PGAM5: variants seen among roughly 807,000 people sequenced by gnomAD.
PGAM5 encodes the protein serine/threonine-protein phosphatase PGAM5, mitochondrial.
PGAM5 carries 25 observed loss-of-function variants against 30.6 expected under a neutral mutation model. That is an observed-to-expected ratio of 0.82 (90% CI 0.60 to 1.14). The LOEUF is 1.14. Ranked by LOEUF, PGAM5 falls within the 50% of genes most tolerant of loss-of-function variation. The pLI is 0.00. For missense variants in PGAM5, 384 were observed against 408.5 expected, an observed-to-expected ratio of 0.94 and a Z score of 0.52; for synonymous variants, 201 against 179.1, an observed-to-expected ratio of 1.12 and a Z score of -0.98.
chr12:132,719,832 A>G (rs2043625193), intron 5 of PGAM5, among the ~76,000 whole-genome samples: 3 of 152,220 alleles, frequency 2.0e-5, no homozygotes, highest in Non-Finnish European at 4.4e-5. Flanking sequence ...CGATGAAGGC[A>G]ACTCCGAGCT....
chr12:132,713,935 C>A (rs982309128), intron 1 of PGAM5, among the ~76,000 whole-genome samples: 12 of 152,100 alleles, frequency 7.9e-5, no homozygotes, highest in African/African-American at 2.9e-4. Flanking sequence ...TCCCAAAGTG[C>A]TGGGATCCAC....
At chr12:132,719,046 G>T in intron 5 of PGAM5, 1 of 1,426,044 alleles carries the variant, frequency 7.0e-7, no homozygotes, top group Non-Finnish European at 9.1e-7. Context: ...ACTTCTTTAA[G>T]GAGCTCCAGG....
chr12:132,713,712 C>A (rs1354036873), intron 1 of PGAM5, among the ~76,000 whole-genome samples: 1 of 152,160 alleles, frequency 6.6e-6, no homozygotes, highest in Non-Finnish European at 1.5e-5. Flanking sequence ...GCTCTGTTGC[C>A]CAGGCTGGAG....
At chr12:132,714,682 T>C (rs1027090878) in intron 1 of PGAM5, 176 bp from the exon 2 acceptor site, 2 of 649,380 alleles carry the variant, frequency 3.1e-6, no homozygotes, top group Non-Finnish European at 5.2e-6. Flanking sequence ...GCACTAGCTT[T>C]GTGGGAGGGA....
At chr12:132,712,100 T>C (rs1231551121) in intron 1 of PGAM5, among the ~76,000 whole-genome samples, 3 of 152,182 alleles carry the variant, frequency 2.0e-5, no homozygotes, top group Admixed American at 2.0e-4. Flanking sequence ...CCTTATTTCC[T>C]CTATTATTAG....
chr12:132,718,053 A>G lies in PGAM5; in HGVS notation c.652A>G (p.Arg218Gly). The change falls in exon 5 of 6, where the codon AGG becomes GGG. Residue 218 changes from arginine (R) to glycine (G), a missense_variant. By Grantham distance (125) the Arg-to-Gly change is moderately radical. Transcript: ENST00000498926. ...FRNYIHRADA[R>G]QEEDSYEIFI... ...GAACTACATCCACCGCGCAGATGCC[A>G]GGCAGGAGGAGGACAGTTACGAGAT... is the stretch of plus-strand genomic sequence containing the variant. The G allele has an allele frequency of 6.2e-7, 1 of 1,612,870 alleles. No homozygotes were observed. The highest frequency in any genetic ancestry group is 8.5e-7 in the Non-Finnish European group (1 of 1,179,988).
intron 2 of PGAM5, among the ~76,000 whole-genome samples, chr12:132,715,990 A>G (rs754328171): frequency 1.7e-4 from 26 of 152,192 alleles, no homozygotes; most frequent in African/African-American, 2.4e-4. Flanking sequence ...TGCCTTGGAA[A>G]GCGGCGTGGC....
rs1264797298 is a variant in PGAM5, at chr12:132,715,140, C to A, written c.370+104C>A. The A allele has an allele frequency of 4.1e-6, 5 of 1,232,428 alleles. No individual in the cohort carries two copies. The East Asian group carries it at 1.0e-4, about 25-fold the overall frequency. 76.3% of individuals were successfully genotyped at this position (1,232,428 alleles called of 1,614,324 possible). On this transcript the variant is annotated intron_variant, in intron 2 of 5. Coordinates refer to ENST00000498926, the MANE Select transcript of PGAM5 (RefSeq NM_001170543.2). ...TGACTGGGTGCAGGTCCTCCGCCGA[C>A]CCCCTTGGTCAGCTTTCTTGAAAGT...
chr12:132,719,550 G>A (rs1187281504), intron 5 of PGAM5, among the ~76,000 whole-genome samples: 1 of 152,220 alleles, frequency 6.6e-6, no homozygotes, highest in Non-Finnish European at 1.5e-5. Context: ...AGCCATATGG[G>A]TGGCTTCTAT....
chr12:132,716,356 A>G (rs2043578023), intron 2 of PGAM5, among the ~76,000 whole-genome samples: 1 of 150,840 alleles, frequency 6.6e-6, no homozygotes, highest in East Asian at 1.9e-4. Context: ...AAGTACTGGG[A>G]TTACAGGCGT....
In PGAM5 at chr12:132,720,723, T is replaced by C; in HGVS notation, c.765T>C (p.Asn255=). Residue 255 remains asparagine, a synonymous_variant, in exon 6 of 6, where the codon AAT becomes AAC. Transcript: ENST00000498926. ...AAGGCTGGCTCCGGCTCTCCCTCAA[T>C]AATGGCAGCATCACCCACCTGGTGA... ...PPEGWLRLSL[N]NGSITHLVIR... is the part of the protein sequence containing the mutation. 1.3e-6 allele frequency: 2 copies of C among 1,536,196 alleles called. No individual in the cohort carries two copies. Among genetic ancestry groups the C allele is most frequent in the Non-Finnish European group, 1.7e-6 (2 of 1,146,842 alleles).
At chr12:132,717,924 GTCC>G (rs1313783697) in intron 4 of PGAM5, 60 bp from the exon 5 acceptor site, 43 of 1,606,706 alleles carry the variant, frequency 2.7e-5, no homozygotes, top group Admixed American at 5.0e-5. Context: ...GATGGGGTCT[GTCC>G]TCCTGACACC....
intron 5 of PGAM5, chr12:132,718,743 G>A (rs543470620): frequency 2.2e-5 from 35 of 1,613,240 alleles, no homozygotes; most frequent in Middle Eastern, 1.7e-4. Context: ...TTCTGCCTCC[G>A]GCTGGATCCC....
intron 1 of PGAM5, 36 bp from the exon 2 acceptor site, chr12:132,714,820 CAG>C (rs764904070): frequency 6.3e-7 from 1 of 1,596,938 alleles, no homozygotes; most frequent in Admixed American, 1.7e-5. Context: ...AACTTGGGAA[CAG>C]AGGTCTCAAG....
intron 3 of PGAM5, 60 bp from the exon 4 acceptor site, chr12:132,717,650 G>A: frequency 1.3e-6 from 2 of 1,585,640 alleles, no homozygotes; most frequent in Non-Finnish European, 1.7e-6. Flanking sequence ...CCACCGGGAG[G>A]TCACAGCATC....
At chr12:132,714,079 A>G (rs1035178367) in intron 1 of PGAM5, among the ~76,000 whole-genome samples, 2 of 152,120 alleles carry the variant, frequency 1.3e-5, no homozygotes, top group African/African-American at 4.8e-5. Flanking sequence ...GTGCAGTGGC[A>G]CGATCTCGGC....
intron 5 of PGAM5, chr12:132,718,712 C>T (rs1358431354): frequency 5.6e-6 from 9 of 1,597,380 alleles, no homozygotes; most frequent in East Asian, 2.2e-5. Context: ...TCCTGTTTCC[C>T]CTCAAACTCG....
At chr12:132,712,761 T>C (rs1025494966) in intron 1 of PGAM5, among the ~76,000 whole-genome samples, 1 of 152,054 alleles carries the variant, frequency 6.6e-6, no homozygotes, top group Non-Finnish European at 1.5e-5. Flanking sequence ...CAGCCTGTTA[T>C]ATTCTTTTTT....
rs200692445 is a variant in PGAM5 at position 132,717,606 on chromosome 12, C to T, written c.496+42C>T. 43 of 1,604,084 alleles carry T rather than the reference C, an allele frequency of 2.7e-5. No homozygotes were observed. In the Admixed American group the frequency reaches 3.9e-4, roughly 14 times the overall value. ...GGGCCTCCATGCTTGCAGCAGTGGG[C>T]GGCTCGTGGCAGGGCCCCGGCCTGA... On this transcript the variant is annotated intron_variant, in intron 3 of 5. Transcript: ENST00000498926.
Sources: allele counts gnomAD v4.1 joint callset (sites outside exome capture counted in the v4.1 genomes callset), GRCh38; gene constraint gnomAD v4.1.1; transcripts MANE v1.5; gene names NCBI Gene and HGNC (gene_info 2026-07-23, HGNC 2026-07-21).